Variants in COG8 observed in about 807,000 individuals in gnomAD.
The protein encoded by COG8 is conserved oligomeric Golgi complex subunit 8.
Under a neutral mutation model 46.5 loss-of-function variants are expected in COG8, and 45 were observed. The observed-to-expected ratio is 0.97, with a 90% CI of 0.76 to 1.24. COG8 has a LOEUF of 1.24. COG8 is among the 50% of genes most tolerant of loss of function. The pLI is 0.00. For synonymous variants in COG8, 407 were observed against 347.8 expected, an observed-to-expected ratio of 1.17 and a Z score of -1.90; for missense variants, 793 against 820.8, an observed-to-expected ratio of 0.97 and a Z score of 0.41.
rs762755113 is a variant in COG8 at position 69,334,826 on chromosome 16, C to G, written c.1108G>C (p.Val370Leu). The change falls in exon 3 of 6, where the codon GTT becomes CTT. Residue 370 changes from valine (V) to leucine (L), a missense_variant. Coordinates refer to ENST00000306875, the MANE Select transcript of COG8 (RefSeq NM_032382.5). ...GADFRGQLAPVFQRVAISTFQ... is the reference protein window; with the variant it reads ...GADFRGQLAPLFQRVAISTFQ... ...GTGCTGATGGCCACCCGCTGGAAAA[C>G]AGGAGCCAACTGACCCCGGAAATCA... 2 of 1,614,082 alleles carry G rather than the reference C, an allele frequency of 1.2e-6. No individual in the cohort carries two copies. The highest frequency in any genetic ancestry group is 2.7e-5 in the African/African-American group (2 of 74,926).
rs746103938 is a variant in COG8, at chr16:69,336,557, G to A, written c.533C>T (p.Ala178Val). Residue 178 changes from alanine to valine, a missense_variant, in exon 2 of 6, where the codon GCA (alanine) becomes GTA (valine). By Grantham distance (64) the Ala-to-Val change is moderately conservative (BLOSUM62 0). Coordinates refer to ENST00000306875, the MANE Select transcript of COG8 (RefSeq NM_032382.5). ...NSYYEEALEL[A>V]AYVRRLERKY... is the part of the protein sequence containing the mutation. ...CCTCTCCAGTCGGCGTACGTAGGCT[G>A]CAAGCTCCAGGGCCTCTTCATAATA... 7 of 1,614,232 alleles carry A rather than the reference G, an allele frequency of 4.3e-6. No individual in the cohort carries two copies. The South Asian group carries it at 7.7e-5, about 18-fold the overall frequency.
In COG8 at chr16:69,330,960, T is replaced by G. The variant is rs1222446765; in HGVS notation, c.1718A>C (p.Glu573Ala). The change falls in exon 5 of 6, where the codon GAG becomes GCG. Residue 573 changes from glutamate to alanine, a missense_variant. By Grantham distance (107) the Glu-to-Ala change is moderately radical. Coordinates refer to ENST00000306875, the MANE Select transcript of COG8 (RefSeq NM_032382.5). ...AGGCTCTGGTGCTGGAGCTGTGAGC[T>G]CGGGCCCCAGCGCCTGGTCATCCAG... is the stretch of plus-strand genomic sequence containing the variant. ...FTLDDQALGP[E>A]LTAPAPEPPA... is the part of the protein sequence containing the mutation. 3.8e-6 allele frequency: 6 copies of G among 1,581,456 alleles called. No homozygotes were observed. Among genetic ancestry groups the G allele is most frequent in the Non-Finnish European group, 5.2e-6 (6 of 1,164,464 alleles).
chr16:69,329,951 G>A lies in COG8; in HGVS notation c.*27-772C>T, dbSNP rs758416731. 6 of 1,488,940 alleles carry A rather than the reference G, an allele frequency of 4.0e-6. No homozygotes were observed. The East Asian group carries it at 8.4e-5, about 21-fold the overall frequency. The allele number at this position is 1,488,940 out of a possible 1,614,324, so 92.2% of individuals were successfully genotyped here. A position where few individuals can be genotyped will look rare whatever the true frequency, so the allele number is the denominator to read the frequency against. On this transcript the variant is annotated intron_variant, in intron 5 of 5. Coordinates refer to ENST00000306875, the MANE Select transcript of COG8 (RefSeq NM_032382.5). ...TGCGCTCTCGCGGAGTCGGGCAGAA[G>A]AGACGCGCGCGCTGCTCCAGCAGCC...
At chr16:69,335,396 T>C in intron 2 of COG8, 48 bp from the exon 3 acceptor site, 1 of 1,447,378 alleles carries the variant, frequency 6.9e-7, no homozygotes, top group East Asian at 2.5e-5. Context: ...GGATGCTCTC[T>C]AGAACCCATT....
chr16:69,336,791 G>A, intron 1 of COG8, 79 bp from the exon 2 acceptor site: 4 of 1,221,554 alleles, frequency 3.3e-6, no homozygotes, highest in Non-Finnish European at 4.8e-6. Context: ...TACCTGCTAT[G>A]AACATTGGGC....
In COG8 at chr16:69,327,634, GTA is replaced by G. The variant is rs1279648062; in HGVS notation, c.*1570_*1571del. ...CAGCTTAATGGACTTCCTACTACTT[GTA>G]TAGTTTGATTTTCAGGACTCTGTTC... On this transcript the variant is annotated 3_prime_UTR_variant, in exon 6 of 6. Coordinates refer to ENST00000306875, the MANE Select transcript of COG8 (RefSeq NM_032382.5). The G allele has an allele frequency of 6.6e-6, 1 of 151,944 alleles. No individual in the cohort carries two copies. The highest frequency in any genetic ancestry group is 2.4e-5 in the African/African-American group (1 of 41,350). The allele number at this position is 151,944 out of a possible 1,614,324, so 9.4% of individuals were successfully genotyped here.
In COG8 at chr16:69,335,267, G is replaced by A; in HGVS notation, c.667C>T (p.Pro223Ser). The change falls in exon 3 of 6, where the codon CCT (proline) becomes TCT (serine). Residue 223 changes from proline to serine, a missense_variant. Transcript: ENST00000306875. ...TAGCCAATGACACGGAGGCAGGCAG[G>A]AAGCTGGATGTTGGTCCTCAGTTGC... ...IQQLRTNIQL[P>S]ACLRVIGYLR... is the part of the protein sequence containing the mutation. The A allele has an allele frequency of 1.9e-6, 3 of 1,613,536 alleles. No homozygotes were observed. The highest frequency in any genetic ancestry group is 2.5e-6 in the Non-Finnish European group (3 of 1,179,904).
chr16:69,332,518 A>AC, intron 4 of COG8, 196 bp downstream of exon 4: 4 of 643,316 alleles, frequency 6.2e-6, no homozygotes, highest in Non-Finnish European at 1.1e-5. Context: ...TGGCAACAGA[A>AC]AGTAGGTTGC....
At chr16:69,329,229 A>C (rs1323688781) in intron 5 of COG8, 50 bp from the exon 6 acceptor site, 2 of 1,502,582 alleles carry the variant, frequency 1.3e-6, no homozygotes, top group Non-Finnish European at 1.8e-6. Context: ...GAACTGCATC[A>C]TCCTCAACCT....
At chr16:69,332,311 C>T (rs1000990978) in intron 4 of COG8, among the ~76,000 whole-genome samples, 17 of 152,084 alleles carry the variant, frequency 1.1e-4, no homozygotes, top group African/African-American at 4.1e-4. Context: ...GACTGTGCCA[C>T]TGCACTCCAG....
At chr16:69,330,258 G>A (rs2011687439) in intron 5 of COG8, 2 of 1,437,836 alleles carry the variant, frequency 1.4e-6, no homozygotes, top group Middle Eastern at 2.4e-4. Flanking sequence ...CAGCGCCGCC[G>A]CCGCATCACC....
chr16:69,327,845 T>A lies in COG8; in HGVS notation c.*1361A>T, dbSNP rs1965648791. On this transcript the variant is annotated 3_prime_UTR_variant, in exon 6 of 6. Transcript: ENST00000306875. ...TGGGCAACATAGTAAGACCCCCGTC[T>A]CTATCTTAAAAAAAAAATAAAAGAA... 6.7e-6 allele frequency: 1 copy of A among 150,180 alleles called. No individual in the cohort carries two copies. Among genetic ancestry groups the A allele is most frequent in the African/African-American group, 2.5e-5 (1 of 40,298 alleles). 9.3% of individuals were successfully genotyped at this position (150,180 alleles called of 1,614,324 possible).
rs200774429 is a variant in COG8 at position 69,335,164 on chromosome 16, G to A, written c.770C>T (p.Ser257Phe). 1 of 1,614,178 alleles carries A rather than the reference G, an allele frequency of 6.2e-7. No individual in the cohort carries two copies. The highest frequency in any genetic ancestry group is 8.5e-7 in the Non-Finnish European group (1 of 1,180,040). ...FLQARDAWLR[S>F]ILTAIPNDDP... The stretch of plus-strand genomic sequence containing the variant: ...ATCATTAGGAATGGCAGTCAGGATG[G>A]ACCGGAGCCAAGCATCTCGGGCCTG... Residue 257 changes from serine to phenylalanine, a missense_variant, in exon 3 of 6, where the codon TCC becomes TTC. Physicochemically the swap from Ser to Phe is radical, Grantham distance 155. Coordinates refer to ENST00000306875, the MANE Select transcript of COG8 (RefSeq NM_032382.5).
intron 3 of COG8, among the ~76,000 whole-genome samples, chr16:69,333,535 A>G (rs1161449837): frequency 6.6e-6 from 1 of 152,206 alleles, no homozygotes; most frequent in Non-Finnish European, 1.5e-5. Flanking sequence ...AAATGAAGCA[A>G]AACTATACAA....
At position 69,339,362 on chromosome 16, in the gene COG8, T is replaced by C; in HGVS notation, c.191A>G (p.Glu64Gly). 1 of 1,583,900 alleles carries C rather than the reference T, an allele frequency of 6.3e-7. No homozygotes were observed. The highest frequency in any genetic ancestry group is 8.5e-7 in the Non-Finnish European group (1 of 1,169,604). ...CCGCTCCTCCGCCAGGCGCTCGGGCTCGCGCCGCAGCCGCTCCAGCCCCGA... is the reference window on the plus strand; with the variant it reads ...CCGCTCCTCCGCCAGGCGCTCGGGCCCGCGCCGCAGCCGCTCCAGCCCCGA... ...SGSGLERLRR[E>G]PERLAEERAQ... is the part of the protein sequence containing the mutation. The change falls in exon 1 of 6, where the codon GAG (glutamate) becomes GGG (glycine). Residue 64 changes from glutamate (E) to glycine (G), a missense_variant. Physicochemically the swap from Glu to Gly is moderately conservative, Grantham distance 98 (BLOSUM62 -2). Transcript: ENST00000306875.
At position 69,334,420 on chromosome 16, in the gene COG8, T is replaced by C. The variant is rs2143344282; in HGVS notation, c.1413+101A>G. ...TCCAAAACCACACTAGACCTCTCCA[T>C]GTCAGCAGACACCGTCAAATAGACG... On this transcript the variant is annotated intron_variant, in intron 3 of 5. Coordinates refer to ENST00000306875, the MANE Select transcript of COG8 (RefSeq NM_032382.5). 5 of 1,064,824 alleles carry C rather than the reference T, an allele frequency of 4.7e-6. No homozygotes were observed. The East Asian group carries it at 1.3e-4, about 27-fold the overall frequency. 66.0% of individuals were successfully genotyped at this position (1,064,824 alleles called of 1,614,324 possible). A position where few individuals can be genotyped will look rare whatever the true frequency, so the allele number is the denominator to read the frequency against.
In COG8 at chr16:69,327,865, AAAG is replaced by A. The variant is rs376174644; in HGVS notation, c.*1338_*1340del. On this transcript the variant is annotated 3_prime_UTR_variant, in exon 6 of 6. Transcript: ENST00000306875. ...CCGTCTCTATCTTAAAAAAAAAATA[AAAG>A]AATAAAACAAGTTCCTTCACCTCTT... The A allele has an allele frequency of 4.0e-5, 6 of 148,926 alleles. No homozygotes were observed. The East Asian group carries it at 1.2e-3, about 29-fold the overall frequency. The allele number at this position is 148,926 out of a possible 1,614,324, so 9.2% of individuals were successfully genotyped here.
Position 69,330,979 on chromosome 16 carries a change from C to T in COG8, c.1699G>A (p.Asp567Asn), listed in dbSNP as rs1266458376. Residue 567 changes from aspartate (D) to asparagine (N), a missense_variant, in exon 5 of 6, where the codon GAC (aspartate) becomes AAC (asparagine). Asp to Asn is a conservative substitution (Grantham distance 23, BLOSUM62 1). Coordinates refer to ENST00000306875, the MANE Select transcript of COG8 (RefSeq NM_032382.5). ...GTGAGCTCGGGCCCCAGCGCCTGGT[C>T]ATCCAGGGTGAAAAGCGTCTCTCTC... ...PKRETLFTLD[D>N]QALGPELTAP... 8.7e-6 allele frequency: 14 copies of T among 1,601,826 alleles called. No individual in the cohort carries two copies. The highest frequency in any genetic ancestry group is 1.2e-5 in the Non-Finnish European group (14 of 1,174,728).
chr16:69,332,327 C>T (rs1232758161), intron 4 of COG8, among the ~76,000 whole-genome samples: 1 of 151,084 alleles, frequency 6.6e-6, no homozygotes, highest in African/African-American at 2.4e-5. Context: ...TCCAGCCTGG[C>T]AACACAGCGA....
Sources: allele counts gnomAD v4.1 joint callset (sites outside exome capture counted in the v4.1 genomes callset), GRCh38; gene constraint gnomAD v4.1.1; transcripts MANE v1.5; gene names NCBI Gene and HGNC (gene_info 2026-07-23, HGNC 2026-07-21).